The following CADM2 variants were observed in gnomAD, a reference collection of about 807,000 sequenced individuals.
CADM2 encodes the protein cell adhesion molecule 2, also known as immunoglobulin superfamily member 4D.
A neutral mutation model predicts 49.8 loss-of-function variants in CADM2; 12 were observed. The observed-to-expected ratio is 0.24, with a 90% CI of 0.15 to 0.39. The LOEUF (loss-of-function observed/expected upper bound fraction) is 0.39, where lower values mean the gene tolerates loss of function less well. Ranked by LOEUF, CADM2 falls within the 10% of genes least tolerant of loss-of-function variation. The pLI is 1.00. For missense variants in CADM2, 378 were observed against 492.3 expected (o/e 0.77, Z 2.20); for synonymous variants, 214 against 175.4 (o/e 1.22, Z -1.74).
At chr3:85,926,120 A>C (rs967318709) in intron 6 of CADM2, among the ~76,000 whole-genome samples, 14 of 150,856 alleles carry the variant, frequency 9.3e-5, no homozygotes, top group Non-Finnish European at 8.8e-5. Context: ...CGGACGACAG[A>C]GTGAGGCTCT....
chr3:85,071,434 A>C (rs2036740145), intron 1 of CADM2, among the ~76,000 whole-genome samples: 1 of 150,934 alleles, frequency 6.6e-6, no homozygotes, highest in African/African-American at 2.5e-5. Flanking sequence ...AGTTTTGCTC[A>C]GGATAAAGGG....
At chr3:85,385,729 CAGG>C (rs2034186572) in intron 1 of CADM2, 1 of 147,932 alleles carries the variant, frequency 6.8e-6, no homozygotes, top group South Asian at 2.1e-4. Flanking sequence ...TGCCTTTTTA[CAGG>C]AGTTTATTAT....
chr3:85,435,744 G>A (rs1559838709), intron 1 of CADM2, among the ~76,000 whole-genome samples: 1 of 152,078 alleles, frequency 6.6e-6, no homozygotes, highest in Non-Finnish European at 1.5e-5. Flanking sequence ...TTGTGGTTTT[G>A]ATTTGCATTT....
At chr3:85,371,915 A>G (rs188037234) in intron 1 of CADM2, among the ~76,000 whole-genome samples, 375 of 151,680 alleles carry the variant, frequency 2.5e-3, no homozygotes, top group Non-Finnish European at 3.9e-3. Context: ...AGAACTGTAT[A>G]TGTAAAAACT....
At chr3:85,747,875 A>T (rs1049438820) in intron 2 of CADM2, among the ~76,000 whole-genome samples, 3 of 152,094 alleles carry the variant, frequency 2.0e-5, no homozygotes, top group African/African-American at 7.2e-5. Flanking sequence ...TGAATGAATT[A>T]TGTGCTGTAG....
intron 1 of CADM2, among the ~76,000 whole-genome samples, chr3:85,530,365 C>T (rs1214257538): frequency 7.5e-6 from 1 of 132,834 alleles, no homozygotes; most frequent in African/African-American, 3.1e-5. Flanking sequence ...GAGTCTCACT[C>T]TGTCGCCCAG....
intron 1 of CADM2, among the ~76,000 whole-genome samples, chr3:85,395,514 G>A (rs891162171): frequency 1.3e-5 from 2 of 152,014 alleles, no homozygotes; most frequent in Non-Finnish European, 2.9e-5. Context: ...TAAATGAAAC[G>A]ATACCAGCAT....
intron 1 of CADM2, among the ~76,000 whole-genome samples, chr3:85,498,010 C>A (rs1201957638): frequency 6.6e-6 from 1 of 151,964 alleles, no homozygotes; most frequent in Non-Finnish European, 1.5e-5. Context: ...AATATTAACA[C>A]CTGAGGCATT....
chr3:85,948,317 T>A (rs943887674), intron 7 of CADM2, among the ~76,000 whole-genome samples: 1 of 151,098 alleles, frequency 6.6e-6, no homozygotes, highest in Non-Finnish European at 1.5e-5. Context: ...AGATTTGCAC[T>A]TTTTTTTGCA....
intron 2 of CADM2, among the ~76,000 whole-genome samples, chr3:85,773,990 CT>C: frequency 6.6e-6 from 1 of 151,862 alleles, no homozygotes; most frequent in Non-Finnish European, 1.5e-5. Flanking sequence ...GAGGCTGATA[CT>C]TTTTGCTTTG....
intron 1 of CADM2, among the ~76,000 whole-genome samples, chr3:85,449,631 C>T (rs562878176): frequency 3.3e-5 from 5 of 151,626 alleles, no homozygotes; most frequent in Admixed American, 2.0e-4. Context: ...TTACTCTCAA[C>T]ATTGAATGTT....
At chr3:85,886,894 C>A (rs1011366865) in intron 5 of CADM2, among the ~76,000 whole-genome samples, 2 of 152,086 alleles carry the variant, frequency 1.3e-5, no homozygotes, top group Non-Finnish European at 2.9e-5. Context: ...CACACACACT[C>A]AAACATACAT....
At chr3:85,464,631 G>A (rs1448034792) in intron 1 of CADM2, among the ~76,000 whole-genome samples, 1 of 151,996 alleles carries the variant, frequency 6.6e-6, no homozygotes, top group Non-Finnish European at 1.5e-5. Context: ...TTTTCTCTCC[G>A]TTTAAAGGCA....
intron 1 of CADM2, among the ~76,000 whole-genome samples, chr3:85,548,636 G>A (rs1411621986): frequency 6.6e-6 from 1 of 152,118 alleles, no homozygotes; most frequent in African/African-American, 2.4e-5. Context: ...AAGTAACCTA[G>A]GATCTTAAAG....
intron 1 of CADM2, among the ~76,000 whole-genome samples, chr3:85,359,241 G>T (rs1397957030): frequency 6.6e-6 from 1 of 152,072 alleles, no homozygotes; most frequent in Non-Finnish European, 1.5e-5. Context: ...GTCCATTCTT[G>T]TTATGCCTTT....
chr3:85,619,182 C>A (rs2063894185), intron 1 of CADM2, among the ~76,000 whole-genome samples: 1 of 152,006 alleles, frequency 6.6e-6, no homozygotes. Context: ...TCTCAGACAC[C>A]ATGCGGATTG....
intron 1 of CADM2, among the ~76,000 whole-genome samples, chr3:85,107,000 G>A (rs1196704578): frequency 3.3e-5 from 5 of 152,006 alleles, no homozygotes; most frequent in South Asian, 2.1e-4. Context: ...TAGGAGGGAC[G>A]AAAAGAAAAA....
chr3:85,985,562 C>G (rs943190098), intron 8 of CADM2, among the ~76,000 whole-genome samples: 15 of 151,782 alleles, frequency 9.9e-5, no homozygotes, highest in Non-Finnish European at 1.5e-4. Flanking sequence ...TCTGGAATGA[C>G]TATAAAACCA....
chr3:85,559,864 A>C, intron 1 of CADM2, among the ~76,000 whole-genome samples: 1 of 152,136 alleles, frequency 6.6e-6, no homozygotes, highest in East Asian at 1.9e-4. Flanking sequence ...TTTAAATATA[A>C]AATTTAAGGA....
Sources: gnomAD v4.1 joint callset for allele counts (sites outside exome capture counted in the v4.1 genomes callset) on GRCh38, gnomAD v4.1.1 for gene constraint, MANE v1.5 for transcripts, NCBI Gene and HGNC (gene_info 2026-07-23, HGNC 2026-07-21) for gene names.